Variants in TTYH2 observed in about 807,000 individuals in gnomAD.
TTYH2 encodes the protein tweety family member 2, also known as protein tweety homolog 2.
TTYH2 carries 49 observed loss-of-function variants against 68.3 expected under a neutral mutation model. The ratio of observed to expected loss-of-function variants is 0.72; its 90% CI spans 0.57 to 0.91. The LOEUF (loss-of-function observed/expected upper bound fraction) is 0.91, where lower values mean the gene tolerates loss of function less well. Among genes scored for constraint, TTYH2 ranks in the 40% least tolerant of loss-of-function variants. TTYH2 has a pLI of 0.00. For synonymous variants in TTYH2, 272 were observed against 300.8 expected (o/e 0.90, Z 0.99); for missense variants, 631 against 700.4 (o/e 0.90, Z 1.12).
chr17:74,215,800 C>G lies in TTYH2; in HGVS notation c.129+2084C>G. 7.4e-7 allele frequency: 1 copy of G among 1,342,320 alleles called. No individual in the cohort carries two copies. Among genetic ancestry groups the G allele is most frequent in the Non-Finnish European group, 1.0e-6 (1 of 972,366 alleles). The allele number at this position is 1,342,320 out of a possible 1,614,324, so 83.2% of individuals were successfully genotyped here. A position where few individuals can be genotyped will look rare whatever the true frequency, so the allele number is the denominator to read the frequency against. ...TCACTAACAGAGTCAGGTGGACCGT[C>G]GGTCATCCCAGTCTTCAGCAAGCTT... On this transcript the variant is annotated intron_variant, in intron 1 of 13. Coordinates refer to ENST00000269346, the MANE Select transcript of TTYH2 (RefSeq NM_032646.6). This position sits in a 1 kb window ranked among gnomAD's most constrained non-coding sequence, Gnocchi z 4.3.
chr17:74,224,491 G>A (rs1319570709), intron 2 of TTYH2, among the ~76,000 whole-genome samples: 1 of 152,218 alleles, frequency 6.6e-6, no homozygotes, highest in African/African-American at 2.4e-5. Flanking sequence ...ATGGCATGAG[G>A]AGTCAATTCT....
Position 74,215,387 on chromosome 17 carries a change from C to T in TTYH2, c.129+1671C>T, listed in dbSNP as rs765134856. 9.2e-5 allele frequency among the ~76,000 whole-genome samples: 14 copies of T among 152,302 alleles called. No homozygotes were observed. Among genetic ancestry groups the T allele is most frequent in the Non-Finnish European group, 1.3e-4 (9 of 68,022 alleles). ...GAGACAGTTCCTATCAGCCCAACAGCTGTGGCTGGTGGATCCTGGGCCTGC... is the reference window on the plus strand; with the variant it reads ...GAGACAGTTCCTATCAGCCCAACAGTTGTGGCTGGTGGATCCTGGGCCTGC... On this transcript the variant is annotated intron_variant, in intron 1 of 13. Transcript: ENST00000269346. The surrounding 1 kb of genome is among the most constrained non-coding windows in gnomAD (Gnocchi z 4.3).
rs1475658923 is a variant in TTYH2 at position 74,222,469 on chromosome 17, C to T, written c.130-16C>T. ...GCAGGGATGAAGAGTGACAACAGGC[C>T]TCTGCTCTCTTCCAGTCGCTGCTGT... On this transcript the variant is annotated splice_polypyrimidine_tract_variant and intron_variant, in intron 1 of 13. Transcript: ENST00000269346. This position sits in a 1 kb window ranked among gnomAD's most constrained non-coding sequence, Gnocchi z 5.2. 2 of 1,602,528 alleles carry T rather than the reference C, an allele frequency of 1.2e-6. No individual in the cohort carries two copies. Among genetic ancestry groups the T allele is most frequent in the Non-Finnish European group, 1.7e-6 (2 of 1,177,222 alleles).
chr17:74,216,629 C>T (rs1187490440), intron 1 of TTYH2, among the ~76,000 whole-genome samples: 1 of 152,214 alleles, frequency 6.6e-6, no homozygotes, highest in Non-Finnish European at 1.5e-5. Context: ...CCCAAGTCCT[C>T]GCAAAGGCCA....
Position 74,222,667 on chromosome 17 carries a change from C to T in TTYH2, c.302+10C>T. 2 of 1,602,718 alleles carry T rather than the reference C, an allele frequency of 1.2e-6. No individual in the cohort carries two copies. The highest frequency in any genetic ancestry group is 8.5e-7 in the Non-Finnish European group (1 of 1,176,322). On this transcript the variant is annotated intron_variant, in intron 2 of 13. Transcript: ENST00000269346. The surrounding 1 kb of genome is among the most constrained non-coding windows in gnomAD (Gnocchi z 5.2). Reference sequence around the variant, plus strand: ...CCGGGCTCATCTGCTGGTGAGTGTCCCTGGACGCTGGGCTTGGGGTGTGTG... The same window carrying T: ...CCGGGCTCATCTGCTGGTGAGTGTCTCTGGACGCTGGGCTTGGGGTGTGTG...
At position 74,215,597 on chromosome 17, in the gene TTYH2, C is replaced by G; in HGVS notation, c.129+1881C>G. The G allele has an allele frequency of 3.3e-6, 5 of 1,533,090 alleles. No homozygotes were observed. Among genetic ancestry groups the G allele is most frequent in the Non-Finnish European group, 4.4e-6 (5 of 1,145,238 alleles). The allele number at this position is 1,533,090 out of a possible 1,614,324, so 95.0% of individuals were successfully genotyped here. On this transcript the variant is annotated intron_variant, in intron 1 of 13. Coordinates refer to ENST00000269346, the MANE Select transcript of TTYH2 (RefSeq NM_032646.6). This position sits in a 1 kb window ranked among gnomAD's most constrained non-coding sequence, Gnocchi z 4.3. Reference sequence around the variant, plus strand: ...AGCTGACACCAGCCCTGCCCACTGGCTCCTGGTCCCGCTCACCCCCTCACC... The same window carrying G: ...AGCTGACACCAGCCCTGCCCACTGGGTCCTGGTCCCGCTCACCCCCTCACC...
intron 4 of TTYH2, 106 bp downstream of exon 4, chr17:74,237,620 TA>T (rs1256709570): frequency 2.9e-6 from 3 of 1,036,878 alleles, no homozygotes; most frequent in Admixed American, 2.9e-5. Flanking sequence ...CACTGGAAAG[TA>T]TTTTTTTTTT....
intron 11 of TTYH2, among the ~76,000 whole-genome samples, chr17:74,252,637 C>A (rs1290350218): frequency 6.6e-6 from 1 of 152,226 alleles, no homozygotes; most frequent in African/African-American, 2.4e-5. Flanking sequence ...CACAGTCTGG[C>A]CTCCCTTCTC....
intron 10 of TTYH2, 30 bp downstream of exon 10, chr17:74,250,387 A>T: frequency 6.3e-7 from 1 of 1,584,906 alleles, no homozygotes; most frequent in South Asian, 1.1e-5. Context: ...TCACGTGGAG[A>T]GTGTGAGGGC....
At chr17:74,230,135 A>T (rs1341503162) in intron 2 of TTYH2, among the ~76,000 whole-genome samples, 1 of 152,162 alleles carries the variant, frequency 6.6e-6, no homozygotes, top group African/African-American at 2.4e-5. Context: ...TGTCTCAAAA[A>T]AATAAAAATA....
intron 4 of TTYH2, among the ~76,000 whole-genome samples, chr17:74,240,012 C>T (rs2050482828): frequency 6.6e-6 from 1 of 152,198 alleles, no homozygotes; most frequent in Non-Finnish European, 1.5e-5. Flanking sequence ...TCAGAATTTA[C>T]ATATCAAAGG....
At chr17:74,255,317 G>T (rs981789918) in intron 13 of TTYH2, among the ~76,000 whole-genome samples, 1 of 152,182 alleles carries the variant, frequency 6.6e-6, no homozygotes, top group Non-Finnish European at 1.5e-5. Flanking sequence ...TGTGCAATGG[G>T]CAAATTGATT....
At chr17:74,230,663 C>G (rs571674644) in intron 2 of TTYH2, among the ~76,000 whole-genome samples, 2 of 148,662 alleles carry the variant, frequency 1.3e-5, no homozygotes, top group South Asian at 4.2e-4. Flanking sequence ...TTTTTGGAGA[C>G]AGAGTCTAGC....
At position 74,213,773 on chromosome 17, in the gene TTYH2, C is replaced by T. The variant is rs2050195198; in HGVS notation, c.129+57C>T. The T allele has an allele frequency of 2.5e-6, 4 of 1,579,976 alleles. No individual in the cohort carries two copies. On this transcript the variant is annotated intron_variant, in intron 1 of 13. Transcript: ENST00000269346. This position sits in a 1 kb window ranked among gnomAD's most constrained non-coding sequence, Gnocchi z 6.1. ...GCGCGCCCCAAGTCCCCGCACTACC[C>T]CCTCTCCCCTCGAGAGCCTGCACTT...
rs147260556 is a variant in TTYH2, at chr17:74,253,144, G to A, written c.1323G>A (p.Ala441=). The A allele has an allele frequency of 1.9e-4, 299 of 1,613,914 alleles. 1 individual carries two copies. The East Asian group carries it at 4.5e-3, about 24-fold the overall frequency. ...DPFNPQAWRM[A]AHSPPRGQLH... ...TTAACCCCCAAGCCTGGCGCATGGC[G>A]GCTCACAGTCCCCCGAGGGGACAGC... The change falls in exon 12 of 14, where the codon GCG becomes GCA. Residue 441 remains alanine (A), a synonymous_variant. Transcript: ENST00000269346.
rs766001265 is a variant in TTYH2, at chr17:74,252,214, T to C, written c.1117-20T>C. 32 of 1,611,182 alleles carry C rather than the reference T, an allele frequency of 2.0e-5. No homozygotes were observed. Among genetic ancestry groups the C allele is most frequent in the Non-Finnish European group, 2.6e-5 (31 of 1,179,950 alleles). ...TGCCCCCGCTCCTTCACTAGCTGCA[T>C]GTCCCTCCTCTTCCTCCAGGATTAT... is the stretch of plus-strand genomic sequence containing the variant. On this transcript the variant is annotated intron_variant, in intron 10 of 13. Coordinates refer to ENST00000269346, the MANE Select transcript of TTYH2 (RefSeq NM_032646.6).
At chr17:74,233,604 C>T (rs111428633) in intron 3 of TTYH2, among the ~76,000 whole-genome samples, 3,580 of 152,238 alleles carry the variant, frequency 0.024, 154 homozygotes, top group African/African-American at 0.081. Context: ...GAGTGGCCAA[C>T]AAGAAGCCCT....
Position 74,239,470 on chromosome 17 carries a change from C to T in TTYH2, c.635+1956C>T, listed in dbSNP as rs2050478055. Among the ~76,000 whole-genome samples the T allele has an allele frequency of 6.6e-6, 1 of 152,230 alleles. No individual in the cohort carries two copies. The highest frequency in any genetic ancestry group is 1.5e-5 in the Non-Finnish European group (1 of 68,042). On this transcript the variant is annotated intron_variant, in intron 4 of 13. Coordinates refer to ENST00000269346, the MANE Select transcript of TTYH2 (RefSeq NM_032646.6). The surrounding 1 kb of genome is among the most constrained non-coding windows in gnomAD (Gnocchi z 5.3). Reference sequence around the variant, plus strand: ...GAGCCTTTAGCTCAGGGTTGCACAACTTACTTCTGTTTTCTGGATTTGTGT... The same window carrying T: ...GAGCCTTTAGCTCAGGGTTGCACAATTTACTTCTGTTTTCTGGATTTGTGT...
At chr17:74,219,079 TG>T (rs2050249256) in intron 1 of TTYH2, among the ~76,000 whole-genome samples, 1 of 151,994 alleles carries the variant, frequency 6.6e-6, no homozygotes, top group South Asian at 2.1e-4. Flanking sequence ...TAGCTGAGCA[TG>T]GTGGCACATG....
Sources: gnomAD v4.1 joint callset for allele counts (sites outside exome capture counted in the v4.1 genomes callset) on GRCh38, gnomAD v4.1.1 for gene constraint, Gnocchi (gnomAD v3.1) non-coding constraint, MANE v1.5 for transcripts, NCBI Gene and HGNC (gene_info 2026-07-23, HGNC 2026-07-21) for gene names.